The following SLC44A1 variants were observed in gnomAD, a reference collection of about 807,000 sequenced individuals.
SLC44A1 encodes the protein solute carrier family 44 member 1, also known as choline transporter-like protein 1.
Under a neutral mutation model 79.3 loss-of-function variants are expected in SLC44A1, and 26 were observed. That is an observed-to-expected ratio of 0.33 (90% CI 0.24 to 0.46). The LOEUF (loss-of-function observed/expected upper bound fraction) is 0.46. Ranked by LOEUF, SLC44A1 falls within the 20% of genes least tolerant of loss-of-function variation. SLC44A1 has a pLI of 1.00. For synonymous variants in SLC44A1, 263 were observed against 286.2 expected, an observed-to-expected ratio of 0.92 and a Z score of 0.82; for missense variants, 688 against 798.1, an observed-to-expected ratio of 0.86 and a Z score of 1.66.
At chr9:105,315,691 TTTTTA>T (rs1831305148) in intron 3 of SLC44A1, among the ~76,000 whole-genome samples, 1 of 152,226 alleles carries the variant, frequency 6.6e-6, no homozygotes, top group Non-Finnish European at 1.5e-5. Context: ...TTTTGAAGAC[TTTTTA>T]AAGAGTTACT....
intron 1 of SLC44A1, among the ~76,000 whole-genome samples, chr9:105,256,713 C>G (rs1829715020): frequency 4.7e-5 from 7 of 150,324 alleles, no homozygotes; most frequent in Admixed American, 4.0e-4. Flanking sequence ...CAGGCATGCA[C>G]TACCACGCCC....
intron 4 of SLC44A1, among the ~76,000 whole-genome samples, chr9:105,336,651 G>A (rs1432502556): frequency 6.6e-6 from 1 of 152,158 alleles, no homozygotes; most frequent in African/African-American, 2.4e-5. Context: ...GGTATCCAGT[G>A]GGTACAACTT....
intron 1 of SLC44A1, among the ~76,000 whole-genome samples, chr9:105,268,975 CTT>C (rs1483068600): frequency 2.6e-5 from 4 of 152,154 alleles, no homozygotes; most frequent in Non-Finnish European, 5.9e-5. Flanking sequence ...CTTTTGTGCT[CTT>C]GTTTCTTGTA....
intron 9 of SLC44A1, 24 bp from the exon 10 acceptor site, chr9:105,364,531 T>A (rs370728577): frequency 6.3e-7 from 1 of 1,590,392 alleles, no homozygotes; most frequent in South Asian, 1.2e-5. Context: ...GTGCTTCTTC[T>A]TTCCTTCCTT....
chr9:105,380,911 AC>A (rs1441908113), intron 13 of SLC44A1, among the ~76,000 whole-genome samples: 2 of 152,048 alleles, frequency 1.3e-5, no homozygotes, highest in Non-Finnish European at 2.9e-5. Context: ...CAGTTTGAGA[AC>A]CATTAATGTA....
chr9:105,263,956 T>G (rs1829901494), intron 1 of SLC44A1, among the ~76,000 whole-genome samples: 1 of 152,124 alleles, frequency 6.6e-6, no homozygotes, highest in Non-Finnish European at 1.5e-5. Flanking sequence ...ATTCTTTTGC[T>G]TTTCCCCCTA....
At chr9:105,375,990 A>G (rs967728946) in intron 13 of SLC44A1, among the ~76,000 whole-genome samples, 1 of 152,084 alleles carries the variant, frequency 6.6e-6, no homozygotes, top group African/African-American at 2.4e-5. Flanking sequence ...ATTACATCAT[A>G]TACATTTTCC....
chr9:105,315,000 T>G (rs532418225), intron 3 of SLC44A1, among the ~76,000 whole-genome samples: 1 of 152,254 alleles, frequency 6.6e-6, no homozygotes, highest in East Asian at 1.9e-4. Flanking sequence ...GCTCTTCGCA[T>G]CATACACTAA....
At chr9:105,311,020 C>A (rs1831166371) in intron 3 of SLC44A1, among the ~76,000 whole-genome samples, 1 of 152,084 alleles carries the variant, frequency 6.6e-6, no homozygotes, top group South Asian at 2.1e-4. Flanking sequence ...GAATATCCAG[C>A]CCAGAAGATG....
downstream of SLC44A1, among the ~76,000 whole-genome samples, chr9:105,397,510 G>A (rs780190872): frequency 3.3e-4 from 50 of 152,104 alleles, no homozygotes; most frequent in Non-Finnish European, 4.7e-4. Context: ...GGGGGCTTCG[G>A]AATAGCAACT....
At chr9:105,309,962 C>T (rs1831135052) in intron 3 of SLC44A1, 96 bp downstream of exon 3, 50 of 1,251,388 alleles carry the variant, frequency 4.0e-5, no homozygotes, top group Non-Finnish European at 5.2e-5. Flanking sequence ...AATATCTTAC[C>T]AAATATTATT....
At chr9:105,321,298 A>G (rs995976685) in intron 3 of SLC44A1, among the ~76,000 whole-genome samples, 5 of 152,188 alleles carry the variant, frequency 3.3e-5, no homozygotes, top group African/African-American at 1.2e-4. Flanking sequence ...AAATACAGTT[A>G]TTCCAGAAGC....
chr9:105,359,012 C>T (rs1196720459), intron 7 of SLC44A1, among the ~76,000 whole-genome samples: 1 of 152,158 alleles, frequency 6.6e-6, no homozygotes, highest in Non-Finnish European at 1.5e-5. Context: ...CCCCTACTCT[C>T]TTCTGCTCCC....
intron 15 of SLC44A1, among the ~76,000 whole-genome samples, chr9:105,413,092 T>C (rs969608821): frequency 6.6e-6 from 1 of 152,214 alleles, no homozygotes; most frequent in Admixed American, 6.5e-5. Context: ...TCTATAGTCA[T>C]GTCCTGAGCC....
Position 105,335,427 on chromosome 9 carries a change from A to T in SLC44A1, c.270-136A>T, listed in dbSNP as rs568524853. On this transcript the variant is annotated intron_variant, in intron 3 of 15. Coordinates refer to ENST00000374720, the MANE Select transcript of SLC44A1 (RefSeq NM_080546.5). The stretch of plus-strand genomic sequence containing the variant: ...TAGTCTGTTAATAAGCAATTTTTTT[A>T]AAATGTATTTATGATGAGATTTTTA... The T allele has an allele frequency of 2.0e-4, 113 of 568,028 alleles. 1 individual carries two copies. In the South Asian group the frequency reaches 4.1e-3, roughly 20 times the overall value. The allele number at this position is 568,028 out of a possible 1,614,324, so 35.2% of individuals were successfully genotyped here.
intron 1 of SLC44A1, 68 bp downstream of exon 1, chr9:105,244,972 C>T: frequency 1.4e-6 from 1 of 733,560 alleles, no homozygotes; most frequent in Non-Finnish European, 1.7e-6. Flanking sequence ...GCGGCGGGCG[C>T]CCGCCGCCCG....
intron 14 of SLC44A1, among the ~76,000 whole-genome samples, chr9:105,383,728 A>T (rs769640210): frequency 9.9e-5 from 15 of 152,226 alleles, no homozygotes; most frequent in Non-Finnish European, 1.6e-4. Context: ...CCTAGTGCCT[A>T]CCTGTCTTTC....
At chr9:105,436,889 C>G (rs575656310) in intron 15 of SLC44A1, among the ~76,000 whole-genome samples, 3 of 152,162 alleles carry the variant, frequency 2.0e-5, no homozygotes, top group African/African-American at 7.2e-5. Flanking sequence ...CACCTGGAGA[C>G]AAGCAGAGCC....
At chr9:105,433,458 T>C (rs974611758) in intron 15 of SLC44A1, among the ~76,000 whole-genome samples, 8 of 152,184 alleles carry the variant, frequency 5.3e-5, no homozygotes, top group Non-Finnish European at 1.0e-4. Context: ...CCCTACTCTG[T>C]ACAGTCAGGC....
Sources: allele counts gnomAD v4.1 joint callset (sites outside exome capture counted in the v4.1 genomes callset), GRCh38; gene constraint gnomAD v4.1.1; transcripts MANE v1.5; gene names NCBI Gene and HGNC (gene_info 2026-07-23, HGNC 2026-07-21).